Variants in MYH15 observed in about 807,000 individuals in gnomAD.
The protein encoded by MYH15 is myosin-15.
Under a neutral mutation model 240.5 loss-of-function variants are expected in MYH15, and 227 were observed. The ratio of observed to expected loss-of-function variants is 0.94; its 90% CI spans 0.85 to 1.05. The LOEUF is 1.05. Ranked by LOEUF, MYH15 falls within the 50% of genes least tolerant of loss-of-function variation. MYH15 has a pLI of 0.00. For missense variants in MYH15, 2,217 were observed against 2,247.5 expected, an observed-to-expected ratio of 0.99 and a Z score of 0.27; for synonymous variants, 785 against 796.7, an observed-to-expected ratio of 0.99 and a Z score of 0.25.
chr3:108,533,074 T>A (rs997157580), upstream of MYH15, among the ~76,000 whole-genome samples: 5 of 151,972 alleles, frequency 3.3e-5, no homozygotes, highest in Admixed American at 3.3e-4. Context: ...CTTTTGTGAC[T>A]GTACTTTCAT....
At chr3:108,446,887 A>G (rs995931311) in intron 21 of MYH15, among the ~76,000 whole-genome samples, 2 of 152,190 alleles carry the variant, frequency 1.3e-5, no homozygotes, top group Admixed American at 6.6e-5. Context: ...TAAAAATCCA[A>G]CCTAAATGGA....
intron 3 of MYH15, among the ~76,000 whole-genome samples, chr3:108,501,288 G>T (rs570959309): frequency 6.6e-6 from 1 of 152,322 alleles, no homozygotes; most frequent in East Asian, 1.9e-4. Flanking sequence ...AGATGATGAA[G>T]AAATCATCTC....
chr3:108,523,065 T>G (rs2083634149), intron 1 of MYH15, among the ~76,000 whole-genome samples: 1 of 152,118 alleles, frequency 6.6e-6, no homozygotes, highest in Non-Finnish European at 1.5e-5. Context: ...AGTTTCATAC[T>G]TGTTACAATG....
At chr3:108,541,632 G>A in the MYH15 span, among the ~76,000 whole-genome samples, 1 of 151,968 alleles carries the variant, frequency 6.6e-6, no homozygotes, top group Non-Finnish European at 1.5e-5. Context: ...AGGATGTGGG[G>A]AAACAAATAT....
At chr3:108,483,631 G>A (rs1304975511) in intron 11 of MYH15, among the ~76,000 whole-genome samples, 1 of 152,158 alleles carries the variant, frequency 6.6e-6, no homozygotes, top group Admixed American at 6.5e-5. Flanking sequence ...GACTCAAACA[G>A]ATATTTATAT....
At chr3:108,488,534 C>G (rs1028960736) in intron 9 of MYH15, among the ~76,000 whole-genome samples, 10 of 152,120 alleles carry the variant, frequency 6.6e-5, no homozygotes, top group African/African-American at 2.2e-4. Context: ...CCTTGAACTC[C>G]TGGGCTCAAG....
intron 1 of MYH15, among the ~76,000 whole-genome samples, chr3:108,507,339 T>C (rs1354411739): frequency 1.4e-5 from 2 of 141,336 alleles, no homozygotes; most frequent in Non-Finnish European, 3.1e-5. Context: ...GCTACTCAGG[T>C]ACATGGGGAA....
chr3:108,468,847 T>C (rs749008928), intron 14 of MYH15, among the ~76,000 whole-genome samples: 21 of 152,190 alleles, frequency 1.4e-4, no homozygotes, highest in Non-Finnish European at 1.9e-4. Context: ...GTATATATTA[T>C]AGGTGACAAT....
chr3:108,394,019 C>T lies in MYH15; in HGVS notation c.5259+12G>A, dbSNP rs867456152. On this transcript the variant is annotated intron_variant, in intron 36 of 40. Coordinates refer to ENST00000693548, the MANE Select transcript of MYH15 (RefSeq NM_014981.3). ...TGGGAGACAGGATTGAGTACGTGGT[C>T]AAGGGACCCACCTCAATGGCTGCCT... 1 of 1,613,450 alleles carries T rather than the reference C, an allele frequency of 6.2e-7. No homozygotes were observed. Among genetic ancestry groups the T allele is most frequent in the Non-Finnish European group, 8.5e-7 (1 of 1,179,932 alleles).
chr3:108,401,348 G>GCT (rs2082504289), intron 33 of MYH15, among the ~76,000 whole-genome samples: 1 of 150,114 alleles, frequency 6.7e-6, no homozygotes, highest in African/African-American at 2.5e-5. Context: ...GCAGAGGAAA[G>GCT]CACAGATGAG....
At chr3:108,486,086 A>G (rs754154386) in intron 10 of MYH15, among the ~76,000 whole-genome samples, 14 of 152,272 alleles carry the variant, frequency 9.2e-5, no homozygotes, top group African/African-American at 1.7e-4. Context: ...CAGCATAATT[A>G]CAGTCTTTTG....
At chr3:108,469,298 T>A (rs1467300443) in intron 14 of MYH15, among the ~76,000 whole-genome samples, 1 of 152,134 alleles carries the variant, frequency 6.6e-6, no homozygotes, top group Non-Finnish European at 1.5e-5. Context: ...CCCAGATCCA[T>A]CTTGAAGATT....
chr3:108,518,147 CATA>C (rs1360058358), intron 1 of MYH15, among the ~76,000 whole-genome samples: 4 of 152,140 alleles, frequency 2.6e-5, no homozygotes, highest in Non-Finnish European at 4.4e-5. Flanking sequence ...GTGTTTTATA[CATA>C]ATAACTCTTT....
intron 6 of MYH15, among the ~76,000 whole-genome samples, 192 bp downstream of exon 6, chr3:108,497,860 A>C (rs546363633): frequency 1.2e-4 from 18 of 152,314 alleles, no homozygotes; most frequent in African/African-American, 4.3e-4. Flanking sequence ...TCATGTTTTC[A>C]TGTTATTGTT....
the MYH15 span, among the ~76,000 whole-genome samples, chr3:108,548,845 C>A: frequency 2.0e-5 from 3 of 152,074 alleles, no homozygotes; most frequent in African/African-American, 4.8e-5. Flanking sequence ...TAACTCATGA[C>A]AGAATCTCTT....
At chr3:108,440,917 G>A in intron 23 of MYH15, 101 bp downstream of exon 23, 1 of 1,408,104 alleles carries the variant, frequency 7.1e-7, no homozygotes, top group South Asian at 1.3e-5. Flanking sequence ...GCAGGCCACT[G>A]TGTTAATTAA....
At chr3:108,494,507 T>G (rs1218489832) in intron 7 of MYH15, among the ~76,000 whole-genome samples, 1 of 152,130 alleles carries the variant, frequency 6.6e-6, no homozygotes, top group African/African-American at 2.4e-5. Context: ...TTGCTTTCTT[T>G]TCTTTAAGGC....
chr3:108,476,320 T>C (rs1169975725), intron 12 of MYH15, 77 bp downstream of exon 12: 7 of 913,878 alleles, frequency 7.7e-6, no homozygotes, highest in African/African-American at 5.0e-5. Flanking sequence ...CCTTAGTAGT[T>C]GAAAAATATA....
intron 12 of MYH15, among the ~76,000 whole-genome samples, chr3:108,475,948 C>T (rs1233989107): frequency 1.3e-5 from 2 of 152,196 alleles, no homozygotes; most frequent in Admixed American, 1.3e-4. Flanking sequence ...CACCTCCTTT[C>T]AAATATTGAT....
Sources: allele counts gnomAD v4.1 joint callset (sites outside exome capture counted in the v4.1 genomes callset), GRCh38; gene constraint gnomAD v4.1.1; transcripts MANE v1.5; gene names NCBI Gene and HGNC (gene_info 2026-07-23, HGNC 2026-07-21).